Variants in FRK observed in about 807,000 individuals in gnomAD.
FRK encodes the protein tyrosine-protein kinase FRK.
In FRK, 51 loss-of-function variants were observed where a neutral mutation model predicts 56.4. That is an observed-to-expected ratio of 0.90 (90% CI 0.72 to 1.14). The LOEUF is 1.14. Among genes scored for constraint, FRK ranks in the 50% most tolerant of loss-of-function variants. The pLI is 0.00. For missense variants in FRK, 570 were observed against 601.4 expected, an observed-to-expected ratio of 0.95 and a Z score of 0.55; for synonymous variants, 245 against 217.9, an observed-to-expected ratio of 1.12 and a Z score of -1.10.
chr6:115,982,217 C>T (rs2114639541), intron 2 of FRK, among the ~76,000 whole-genome samples: 1 of 152,238 alleles, frequency 6.6e-6, no homozygotes, highest in South Asian at 2.1e-4. Flanking sequence ...TGCACTTGTA[C>T]ATCACAGCTC....
Position 115,937,394 on chromosome 6 carries a change from G to A in FRK, c.*5020C>T, listed in dbSNP as rs1041495775. 2.0e-5 allele frequency: 3 copies of A among 152,118 alleles called. No homozygotes were observed. The highest frequency in any genetic ancestry group is 4.4e-5 in the Non-Finnish European group (3 of 68,010). 9.4% of individuals were successfully genotyped at this position (152,118 alleles called of 1,614,324 possible). A position where few individuals can be genotyped will look rare whatever the true frequency, so the allele number is the denominator to read the frequency against. On this transcript the variant is annotated 3_prime_UTR_variant, in exon 8 of 8. Coordinates refer to ENST00000606080, the MANE Select transcript of FRK (RefSeq NM_002031.3). ...AACATACCAAATTGTAAAGATCATC[G>A]AGGATACGAAGAACCTGCATCAACT... is the stretch of plus-strand genomic sequence containing the variant.
intron 1 of FRK, among the ~76,000 whole-genome samples, chr6:116,052,718 C>T (rs1246779024): frequency 6.6e-6 from 1 of 151,952 alleles, no homozygotes; most frequent in African/African-American, 2.4e-5. Flanking sequence ...GGGTTATAGG[C>T]AGAGAGAATA....
At chr6:116,039,216 G>T (rs1776618219) in intron 1 of FRK, 1 of 1,465,608 alleles carries the variant, frequency 6.8e-7, no homozygotes, top group Non-Finnish European at 9.5e-7. Flanking sequence ...ATAACGTGAA[G>T]GACTGGAGCA....
chr6:116,045,849 A>G (rs1248883659), intron 1 of FRK, among the ~76,000 whole-genome samples: 1 of 152,244 alleles, frequency 6.6e-6, no homozygotes, highest in African/African-American at 2.4e-5. Context: ...ATCAGAGTAA[A>G]CAGGCAACCT....
rs1772131914 is a variant in FRK, at chr6:115,940,242, T to C, written c.*2172A>G. The stretch of plus-strand genomic sequence containing the variant: ...CAACCAATGGGGAAAGGATTCCCTA[T>C]TTAATAAATGGTGTTGGGAAAACTA... On this transcript the variant is annotated 3_prime_UTR_variant, in exon 8 of 8. Transcript: ENST00000606080. 1 of 152,194 alleles carries C rather than the reference T, an allele frequency of 6.6e-6. No individual in the cohort carries two copies. Among genetic ancestry groups the C allele is most frequent in the Admixed American group, 6.5e-5 (1 of 15,282 alleles). The allele number at this position is 152,194 out of a possible 1,614,324, so 9.4% of individuals were successfully genotyped here. A position where few individuals can be genotyped will look rare whatever the true frequency, so the allele number is the denominator to read the frequency against.
At chr6:116,000,223 C>CTTTCTTTTTTTTTTTTT (rs1775002178) in intron 2 of FRK, among the ~76,000 whole-genome samples, 6 of 53,120 alleles carry the variant, frequency 1.1e-4, no homozygotes, top group Admixed American at 2.1e-4. Context: ...ATCATTCTTT[C>CTTTCTTTTTTTTTTTTT]TTTTTTTTTT....
At chr6:116,070,970 A>G in the FRK span, among the ~76,000 whole-genome samples, 1 of 152,162 alleles carries the variant, frequency 6.6e-6, no homozygotes. Context: ...CTAAGTTCAT[A>G]ATAATGATGT....
intron 1 of FRK, among the ~76,000 whole-genome samples, chr6:116,009,814 T>G (rs1427059849): frequency 6.6e-6 from 1 of 152,208 alleles, no homozygotes; most frequent in African/African-American, 2.4e-5. Context: ...ACAGAAAGAT[T>G]GTGTTATTTT....
chr6:115,936,536 A>C lies in FRK; in HGVS notation c.*5878T>G, dbSNP rs1402600716. On this transcript the variant is annotated 3_prime_UTR_variant, in exon 8 of 8. Transcript: ENST00000606080. ...GTAATAACAAACTCCTCCAAGCTAA[A>C]GGAGCATGTTCTAACCCAATGCAAG... is the stretch of plus-strand genomic sequence containing the variant. 6.6e-6 allele frequency: 1 copy of C among 152,222 alleles called. No individual in the cohort carries two copies. The highest frequency in any genetic ancestry group is 2.4e-5 in the African/African-American group (1 of 41,470). 9.4% of individuals were successfully genotyped at this position (152,222 alleles called of 1,614,324 possible).
upstream of FRK, among the ~76,000 whole-genome samples, chr6:116,062,988 C>T (rs1179998497): frequency 6.6e-6 from 1 of 152,176 alleles, no homozygotes; most frequent in Non-Finnish European, 1.5e-5. Flanking sequence ...ACTGATCTCC[C>T]TTCCTCCAGC....
intron 1 of FRK, among the ~76,000 whole-genome samples, chr6:116,021,024 G>C (rs12214881): frequency 6.6e-6 from 1 of 151,866 alleles, no homozygotes; most frequent in East Asian, 1.9e-4. Flanking sequence ...TGTTTGCTTT[G>C]AAATGTAATA....
Position 116,023,481 on chromosome 6 carries a change from A to C in FRK, c.345-19483T>G, listed in dbSNP as rs146474524. On this transcript the variant is annotated intron_variant, in intron 1 of 7. Transcript: ENST00000606080. ...TCAGCAAACTAATGATACATACAAC[A>C]ATATGATTGAGCCTCAAAACCATTA... is the stretch of plus-strand genomic sequence containing the variant. Among the ~76,000 whole-genome samples, 23 of 152,328 alleles carry C rather than the reference A, an allele frequency of 1.5e-4. No individual in the cohort carries two copies. The East Asian group carries it at 4.4e-3, about 29-fold the overall frequency.
chr6:116,029,280 G>A (rs1195831148), intron 1 of FRK, among the ~76,000 whole-genome samples: 1 of 151,824 alleles, frequency 6.6e-6, no homozygotes, highest in Non-Finnish European at 1.5e-5. Context: ...TCTTTGTTTT[G>A]TTTATTTTCT....
In FRK at chr6:115,942,370, G is replaced by T. The variant is rs771106459; in HGVS notation, c.*44C>A. The T allele has an allele frequency of 1.4e-6, 2 of 1,461,362 alleles. No individual in the cohort carries two copies. The highest frequency in any genetic ancestry group is 3.4e-5 in the Admixed American group (2 of 59,250). The allele number at this position is 1,461,362 out of a possible 1,614,324, so 90.5% of individuals were successfully genotyped here. ...CATTGTATTTTGGAATGGATTATTT[G>T]AATTTGTTTTGCTACTTTATTATTT... On this transcript the variant is annotated 3_prime_UTR_variant, in exon 8 of 8. Coordinates refer to ENST00000606080, the MANE Select transcript of FRK (RefSeq NM_002031.3).
At chr6:116,004,877 A>G (rs958849549) in intron 1 of FRK, among the ~76,000 whole-genome samples, 1 of 152,178 alleles carries the variant, frequency 6.6e-6, no homozygotes, top group African/African-American at 2.4e-5. Context: ...GGGCCATAAA[A>G]ATGGTCATCA....
At chr6:115,958,644 AAAAG>A (rs1171075326) in intron 4 of FRK, among the ~76,000 whole-genome samples, 23 of 3,814 alleles carry the variant, frequency 6.0e-3, no homozygotes, top group African/African-American at 0.014. Context: ...GGAAAGAAAG[AAAAG>A]AAAGAAAGAA....
the FRK span, among the ~76,000 whole-genome samples, chr6:116,076,265 T>A: frequency 6.6e-6 from 1 of 152,242 alleles, no homozygotes; most frequent in Non-Finnish European, 1.5e-5. Context: ...GGATGTCATA[T>A]ATATGCAATG....
At chr6:115,966,693 C>T (rs1287169201) in intron 4 of FRK, among the ~76,000 whole-genome samples, 1 of 152,140 alleles carries the variant, frequency 6.6e-6, no homozygotes, top group East Asian at 1.9e-4. Context: ...ATATATGAGG[C>T]TACTATAGCA....
chr6:116,020,289 CT>C (rs1164797074), intron 1 of FRK, among the ~76,000 whole-genome samples: 2 of 151,406 alleles, frequency 1.3e-5, no homozygotes, highest in African/African-American at 4.9e-5. Context: ...ATCAATATTC[CT>C]TTTTTTTGTT....
Sources: gnomAD v4.1 joint callset for allele counts (sites outside exome capture counted in the v4.1 genomes callset) on GRCh38, gnomAD v4.1.1 for gene constraint, MANE v1.5 for transcripts, NCBI Gene and HGNC (gene_info 2026-07-23, HGNC 2026-07-21) for gene names.